Variants in CARMIL1 observed in about 807,000 individuals in gnomAD.
The protein encoded by CARMIL1 is capping protein regulator and myosin 1 linker 1.
CARMIL1 carries 90 observed loss-of-function variants against 177.1 expected under a neutral mutation model. That is an observed-to-expected ratio of 0.51 (90% CI 0.43 to 0.61). CARMIL1 has a LOEUF of 0.61. CARMIL1 is among the 20% of genes least tolerant of loss of function. CARMIL1 has a pLI of 0.00. For missense variants in CARMIL1, 1,380 were observed against 1,667.0 expected (o/e 0.83, Z 3.00); for synonymous variants, 577 against 606.2 (o/e 0.95, Z 0.71).
At chr6:25,614,763 C>T (rs1404466441) in intron 36 of CARMIL1, among the ~76,000 whole-genome samples, 1 of 152,210 alleles carries the variant, frequency 6.6e-6, no homozygotes, top group East Asian at 1.9e-4. Flanking sequence ...TCCCTGCTAC[C>T]TGCCGCCCAG....
intron 2 of CARMIL1, among the ~76,000 whole-genome samples, chr6:25,377,954 G>A (rs368631636): frequency 6.6e-6 from 1 of 152,102 alleles, no homozygotes; most frequent in Non-Finnish European, 1.5e-5. Flanking sequence ...ATAGAGCTCC[G>A]AAAAGTTTCT....
rs146458991 is a variant in CARMIL1 at position 25,410,959 on chromosome 6, T to C, written c.139-9155T>C. Among the ~76,000 whole-genome samples the C allele has an allele frequency of 4.5e-4, 69 of 152,294 alleles. No individual in the cohort carries two copies. In the East Asian group the frequency reaches 0.012, roughly 27 times the overall value. ...CCCCTGACCCCTCTTAACTCTCTCA[T>C]CTTTAGCTAGAATTGGGTTCTAGTG... On this transcript the variant is annotated intron_variant, in intron 2 of 36. Coordinates refer to ENST00000329474, the MANE Select transcript of CARMIL1 (RefSeq NM_017640.6).
intron 2 of CARMIL1, among the ~76,000 whole-genome samples, chr6:25,387,535 C>T (rs1405124946): frequency 2.6e-5 from 4 of 152,186 alleles, no homozygotes; most frequent in Non-Finnish European, 4.4e-5. Flanking sequence ...TTTTCAATAG[C>T]AGTATATATT....
intron 1 of CARMIL1, among the ~76,000 whole-genome samples, chr6:25,282,691 T>A (rs959444372): frequency 1.3e-5 from 2 of 152,232 alleles, no homozygotes; most frequent in African/African-American, 4.8e-5. Flanking sequence ...ATTTTCTTCT[T>A]TCATCTCAAT....
At chr6:25,383,594 CTG>C (rs1483949079) in intron 2 of CARMIL1, 1 of 152,086 alleles carries the variant, frequency 6.6e-6, no homozygotes, top group African/African-American at 2.4e-5. Flanking sequence ...AATAGAAAAA[CTG>C]TGGTTCTTGC....
At chr6:25,487,196 C>T (rs1045772261) in intron 12 of CARMIL1, among the ~76,000 whole-genome samples, 5 of 152,092 alleles carry the variant, frequency 3.3e-5, no homozygotes, top group African/African-American at 9.7e-5. Flanking sequence ...TTTATCAGCC[C>T]CATACTGAAC....
At chr6:25,419,282 T>G (rs540586108) in intron 2 of CARMIL1, among the ~76,000 whole-genome samples, 7 of 152,296 alleles carry the variant, frequency 4.6e-5, no homozygotes, top group African/African-American at 1.2e-4. Context: ...ATTTGGAAAA[T>G]GAAAAGAGGG....
At chr6:25,416,642 CTT>C (rs1320111643) in intron 2 of CARMIL1, among the ~76,000 whole-genome samples, 3 of 152,138 alleles carry the variant, frequency 2.0e-5, no homozygotes, top group Non-Finnish European at 4.4e-5. Context: ...AAGTTCCTGT[CTT>C]TGACTTTTGG....
intron 2 of CARMIL1, among the ~76,000 whole-genome samples, chr6:25,321,700 C>A (rs957224151): frequency 4.3e-4 from 65 of 151,714 alleles, no homozygotes; most frequent in African/African-American, 1.5e-3. Context: ...TTGCTGTTGC[C>A]CAGGCTGGAG....
intron 2 of CARMIL1, among the ~76,000 whole-genome samples, chr6:25,404,681 G>A (rs1051345604): frequency 2.0e-5 from 3 of 151,814 alleles, no homozygotes; most frequent in Middle Eastern, 3.2e-3. Context: ...GCTTGAACCC[G>A]GGAGGCAGAG....
At chr6:25,412,606 G>A (rs552974839) in intron 2 of CARMIL1, among the ~76,000 whole-genome samples, 2 of 152,276 alleles carry the variant, frequency 1.3e-5, no homozygotes, top group African/African-American at 4.8e-5. Context: ...TTGAGGCACA[G>A]GAAAGGTTTA....
chr6:25,304,778 A>G (rs1303188198), intron 2 of CARMIL1, among the ~76,000 whole-genome samples: 2 of 152,232 alleles, frequency 1.3e-5, no homozygotes, highest in East Asian at 1.9e-4. Context: ...TTCCCTGCTC[A>G]TATATCAAAT....
intron 11 of CARMIL1, among the ~76,000 whole-genome samples, chr6:25,474,110 A>ATT (rs771204582): frequency 4.9e-5 from 7 of 142,770 alleles, no homozygotes; most frequent in Non-Finnish European, 1.1e-4. Flanking sequence ...ATGAGTATTA[A>ATT]TTTTTTTTTT....
At chr6:25,606,731 C>G (rs1816007855) in intron 35 of CARMIL1, among the ~76,000 whole-genome samples, 1 of 152,148 alleles carries the variant, frequency 6.6e-6, no homozygotes, top group African/African-American at 2.4e-5. Context: ...TAGAACAAGA[C>G]TTGGCAAACA....
At chr6:25,380,802 T>TTG (rs1791447344) in intron 2 of CARMIL1, among the ~76,000 whole-genome samples, 1 of 152,192 alleles carries the variant, frequency 6.6e-6, no homozygotes, top group African/African-American at 2.4e-5. Context: ...CACGCATTTT[T>TTG]CCTTTAAGGA....
chr6:25,369,398 A>G (rs187935492), intron 2 of CARMIL1, among the ~76,000 whole-genome samples: 19 of 88,058 alleles, frequency 2.2e-4, no homozygotes, highest in African/African-American at 8.5e-4. Context: ...TTTTTTTTTT[A>G]AAGCTAGTCC....
intron 23 of CARMIL1, among the ~76,000 whole-genome samples, chr6:25,524,776 A>C (rs150646006): frequency 3.9e-5 from 6 of 152,240 alleles, no homozygotes; most frequent in South Asian, 2.1e-4. Flanking sequence ...AGGAGATAAA[A>C]GCTCTTAAGA....
intron 8 of CARMIL1, among the ~76,000 whole-genome samples, chr6:25,453,671 A>G (rs1304810565): frequency 3.3e-5 from 5 of 152,224 alleles, no homozygotes; most frequent in South Asian, 4.1e-4. Context: ...CTCAGGTGCT[A>G]GCAGTTTTCC....
intron 9 of CARMIL1, among the ~76,000 whole-genome samples, chr6:25,468,337 C>A (rs1042227037): frequency 2.0e-5 from 3 of 151,884 alleles, no homozygotes; most frequent in African/African-American, 7.3e-5. Flanking sequence ...TGGTGAGCAT[C>A]TTTTTTTAGT....
Sources: allele counts gnomAD v4.1 joint callset (sites outside exome capture counted in the v4.1 genomes callset), GRCh38; gene constraint gnomAD v4.1.1; transcripts MANE v1.5; gene names NCBI Gene and HGNC (gene_info 2026-07-23, HGNC 2026-07-21).